ZNF492: variants seen among roughly 807,000 people sequenced by gnomAD.
ZNF492 encodes zinc finger protein 115 (Y20).
Under a neutral mutation model 6.4 loss-of-function variants are expected in ZNF492, and 3 were observed. The observed-to-expected ratio is 0.47, with a 90% CI of 0.21 to 1.22. The LOEUF (loss-of-function observed/expected upper bound fraction) is 1.22, where lower values mean the gene tolerates loss of function less well. Ranked by LOEUF, ZNF492 falls within the 50% of genes most tolerant of loss-of-function variation. The probability of loss-of-function intolerance (pLI) is 0.22; values close to 1 mark genes in which losing one functional copy is unlikely to be tolerated. For synonymous variants in ZNF492, 112 were observed against 205.3 expected (o/e 0.55, Z 3.89); for missense variants, 356 against 612.5 (o/e 0.58, Z 4.42).
At chr19:22,659,427 T>G (rs1165645119) in intron 3 of ZNF492, among the ~76,000 whole-genome samples, 1 of 151,884 alleles carries the variant, frequency 6.6e-6, no homozygotes, top group East Asian at 1.9e-4. Context: ...CTCTATTCCC[T>G]TACTAATATT....
At chr19:22,644,493 CCT>C (rs1235033203) in intron 1 of ZNF492, among the ~76,000 whole-genome samples, 2 of 152,018 alleles carry the variant, frequency 1.3e-5, no homozygotes, top group African/African-American at 4.8e-5. Flanking sequence ...GTTTTCTATC[CCT>C]GTGTTAGTTT....
intron 1 of ZNF492, among the ~76,000 whole-genome samples, chr19:22,640,244 C>T (rs7507680): frequency 0.19 from 29,285 of 151,626 alleles, 3,688 homozygotes; most frequent in African/African-American, 0.36. Context: ...CTCACTGCAA[C>T]GTCTGCCTCC....
Position 22,664,204 on chromosome 19 carries a change from A to C in ZNF492, c.535A>C (p.Asn179His), listed in dbSNP as rs547909231. ...ATGTAAAGAATGTGGGAAAGCCTATAATGAGACCTCAAACCTTTCTACACA... is the reference window on the plus strand; with the variant it reads ...ATGTAAAGAATGTGGGAAAGCCTATCATGAGACCTCAAACCTTTCTACACA... ...YKCKECGKAYNETSNLSTHKR... is the reference protein window; with the variant it reads ...YKCKECGKAYHETSNLSTHKR... The change falls in exon 4 of 4, where the codon AAT (asparagine) becomes CAT (histidine). Residue 179 changes from asparagine to histidine, a missense_variant. Coordinates refer to ENST00000456783, the MANE Select transcript of ZNF492 (RefSeq NM_020855.3). 4 of 1,613,248 alleles carry C rather than the reference A, an allele frequency of 2.5e-6. No homozygotes were observed. The highest frequency in any genetic ancestry group is 3.4e-6 in the Non-Finnish European group (4 of 1,179,534).
In ZNF492 at chr19:22,665,423, A is replaced by T. The variant is rs1972114634; in HGVS notation, c.*158A>T. The T allele has an allele frequency of 4.3e-6, 6 of 1,383,128 alleles. No homozygotes were observed. The African/African-American group carries it at 8.8e-5, about 20-fold the overall frequency. The allele number at this position is 1,383,128 out of a possible 1,614,324, so 85.7% of individuals were successfully genotyped here. A position where few individuals can be genotyped will look rare whatever the true frequency, so the allele number is the denominator to read the frequency against. On this transcript the variant is annotated 3_prime_UTR_variant, in exon 4 of 4. Transcript: ENST00000456783. ...TTGCACAGGAAAGCCTTTATACTTG[A>T]GAACAAATGTACAAATATAAAGAAA... is the stretch of plus-strand genomic sequence containing the variant.
chr19:22,638,923 A>G (rs1599393836), intron 1 of ZNF492, among the ~76,000 whole-genome samples: 1 of 151,904 alleles, frequency 6.6e-6, no homozygotes, highest in African/African-American at 2.4e-5. Flanking sequence ...GCTCACTGCA[A>G]CCTCTGCCTC....
intron 1 of ZNF492, 25 bp from the exon 2 acceptor site, chr19:22,653,282 G>A (rs1256660282): frequency 3.1e-6 from 5 of 1,609,128 alleles, no homozygotes; most frequent in Admixed American, 1.7e-5. Flanking sequence ...TGGTAAATAT[G>A]TATGTGTGTT....
chr19:22,656,322 A>G (rs1019876940), intron 3 of ZNF492, among the ~76,000 whole-genome samples: 3 of 150,186 alleles, frequency 2.0e-5, no homozygotes, highest in African/African-American at 7.4e-5. Flanking sequence ...TTATTTTTGG[A>G]CAGAGTGAGT....
chr19:22,662,123 C>T (rs1252538947), intron 3 of ZNF492, among the ~76,000 whole-genome samples: 1 of 152,118 alleles, frequency 6.6e-6, no homozygotes, highest in Non-Finnish European at 1.5e-5. Context: ...GTGATGTTCC[C>T]CGCCCTGTGT....
intron 3 of ZNF492, among the ~76,000 whole-genome samples, chr19:22,657,533 A>G (rs1270230856): frequency 6.6e-6 from 1 of 152,124 alleles, no homozygotes; most frequent in East Asian, 1.9e-4. Context: ...CATGCCAATG[A>G]TTCAAAATAG....
At position 22,658,688 on chromosome 19, in the gene ZNF492, A is replaced by T. The variant is rs4024183; in HGVS notation, c.130+4673A>T. Among the ~76,000 whole-genome samples the T allele has an allele frequency of 3.4e-4, 46 of 136,258 alleles. 1 individual carries two copies. The highest frequency in any genetic ancestry group is 6.5e-4 in the East Asian group (3 of 4,630). 89.4% of individuals were successfully genotyped at this position (136,258 alleles called of 152,430 possible). ...TGCTTTTTTTCAAACTGAGTAATATATTGGCATTTTTGTATTTCAAATTAT... is the reference window on the plus strand; with the variant it reads ...TGCTTTTTTTCAAACTGAGTAATATTTTGGCATTTTTGTATTTCAAATTAT... On this transcript the variant is annotated intron_variant, in intron 3 of 3. Coordinates refer to ENST00000456783, the MANE Select transcript of ZNF492 (RefSeq NM_020855.3).
chr19:22,656,101 G>A (rs1410320959), intron 3 of ZNF492, among the ~76,000 whole-genome samples: 1 of 144,000 alleles, frequency 6.9e-6, no homozygotes, highest in Admixed American at 6.8e-5. Context: ...GGGATTACAG[G>A]CATGAGCCAC....
Position 22,665,961 on chromosome 19 carries a change from T to G in ZNF492, c.*696T>G, listed in dbSNP as rs1972121245. The stretch of plus-strand genomic sequence containing the variant: ...TTTAGAAAGTAATCCAAAACTAAAC[T>G]TGGCAGAAAAATTATTTGTTTATAA... On this transcript the variant is annotated 3_prime_UTR_variant, in exon 4 of 4. Transcript: ENST00000456783. 6.6e-6 allele frequency: 1 copy of G among 152,120 alleles called. No homozygotes were observed. Among genetic ancestry groups the G allele is most frequent in the Non-Finnish European group, 1.5e-5 (1 of 67,998 alleles). The allele number at this position is 152,120 out of a possible 1,614,324, so 9.4% of individuals were successfully genotyped here.
rs936146880 is a variant in ZNF492, at chr19:22,634,378, C to T, written c.-190C>T. 3.3e-6 allele frequency: 4 copies of T among 1,223,258 alleles called. No individual in the cohort carries two copies. The highest frequency in any genetic ancestry group is 4.7e-6 in the Non-Finnish European group (4 of 849,182). 75.8% of individuals were successfully genotyped at this position (1,223,258 alleles called of 1,614,324 possible). Reference sequence around the variant, plus strand: ...GGTCTAGTGTTCGCTGTTCTGCGTCCTCTGGTCCTAGAGGCCCATCCTCTG... The same window carrying T: ...GGTCTAGTGTTCGCTGTTCTGCGTCTTCTGGTCCTAGAGGCCCATCCTCTG... On this transcript the variant is annotated 5_prime_UTR_variant, in exon 1 of 4. Coordinates refer to ENST00000456783, the MANE Select transcript of ZNF492 (RefSeq NM_020855.3).
intron 1 of ZNF492, among the ~76,000 whole-genome samples, chr19:22,640,705 C>T (rs1213239053): frequency 6.6e-6 from 1 of 152,152 alleles, no homozygotes; most frequent in Non-Finnish European, 1.5e-5. Context: ...TACCAGCTGT[C>T]CTTTGTCCAT....
At position 22,664,223 on chromosome 19, in the gene ZNF492, C is replaced by T; in HGVS notation, c.554C>T (p.Ser185Phe). Reference protein sequence around the residue: ...GKAYNETSNLSTHKRIHTGKK... With the variant: ...GKAYNETSNLFTHKRIHTGKK... ...GCCTATAATGAGACCTCAAACCTTT[C>T]TACACATAAAAGAATTCATACTGGA... The change falls in exon 4 of 4, where the codon TCT (serine) becomes TTT (phenylalanine). Residue 185 changes from serine to phenylalanine, a missense_variant. Physicochemically the swap from Ser to Phe is radical, Grantham distance 155. Transcript: ENST00000456783. The T allele has an allele frequency of 6.2e-7, 1 of 1,612,690 alleles. No homozygotes were observed. The highest frequency in any genetic ancestry group is 8.5e-7 in the Non-Finnish European group (1 of 1,179,296).
chr19:22,646,920 G>T (rs1971882979), intron 1 of ZNF492, among the ~76,000 whole-genome samples: 1 of 152,074 alleles, frequency 6.6e-6, no homozygotes, highest in East Asian at 1.9e-4. Context: ...TTTTGAGACC[G>T]AGTTTCTCTC....
rs1972093046 is a variant in ZNF492, at chr19:22,664,249, A to G, written c.580A>G (p.Lys194Glu). The change falls in exon 4 of 4, where the codon AAG becomes GAG. Residue 194 changes from lysine (K) to glutamate (E), a missense_variant. Lys to Glu is a moderately conservative substitution (Grantham distance 56). Around this residue, in one of 7 missense-constraint regions of ZNF492, gnomAD observed 196 missense variants for 219.4 expected, o/e 0.89. Transcript: ENST00000456783. ...TACACATAAAAGAATTCATACTGGA[A>G]AGAAACCCTACAAATGCGAAGAGTG... ...LSTHKRIHTG[K>E]KPYKCEECGK... The G allele has an allele frequency of 1.2e-6, 2 of 1,608,704 alleles. No homozygotes were observed.
At chr19:22,634,751 T>C (rs1397679847) in intron 1 of ZNF492, among the ~76,000 whole-genome samples, 1 of 152,114 alleles carries the variant, frequency 6.6e-6, no homozygotes, top group Non-Finnish European at 1.5e-5. Context: ...GTCGTGTCTC[T>C]CCCAGATTGT....
intron 1 of ZNF492, among the ~76,000 whole-genome samples, chr19:22,646,716 C>T (rs764107154): frequency 5.3e-5 from 8 of 152,062 alleles, no homozygotes; most frequent in Non-Finnish European, 7.4e-5. Context: ...ATTGAGAGTT[C>T]TTAACATGAA....
Sources: allele counts gnomAD v4.1 joint callset (sites outside exome capture counted in the v4.1 genomes callset), GRCh38; gene constraint gnomAD v4.1.1; regional missense constraint gnomAD v4.1.1; transcripts MANE v1.5; gene names NCBI Gene and HGNC (gene_info 2026-07-23, HGNC 2026-07-21).